FAM20C: variants seen among roughly 807,000 people sequenced by gnomAD.
The protein encoded by FAM20C is FAM20C golgi associated secretory pathway kinase.
In FAM20C, 40 loss-of-function variants were observed where a neutral mutation model predicts 51.5. The ratio of observed to expected loss-of-function variants is 0.78; its 90% CI spans 0.60 to 1.01. The LOEUF (loss-of-function observed/expected upper bound fraction) is 1.01. Ranked by LOEUF, FAM20C falls within the 50% of genes least tolerant of loss-of-function variation. The pLI is 0.00. For missense variants in FAM20C, 861 were observed against 844.7 expected (o/e 1.02, Z -0.24); for synonymous variants, 406 against 380.6 (o/e 1.07, Z -0.78).
chr7:244,899 A>G (rs746383863), intron 3 of FAM20C, among the ~76,000 whole-genome samples: 5 of 152,238 alleles, frequency 3.3e-5, no homozygotes, highest in Non-Finnish European at 7.3e-5. Context: ...TTAACCCCCC[A>G]TAAGAAACGT....
chr7:211,446 G>GC (rs1273596587), intron 3 of FAM20C, among the ~76,000 whole-genome samples: 1 of 137,680 alleles, frequency 7.3e-6, no homozygotes, highest in Admixed American at 7.3e-5. Flanking sequence ...AACCTCCCCA[G>GC]CCCCCCACCG....
intron 4 of FAM20C, among the ~76,000 whole-genome samples, chr7:247,589 C>G (rs193235018): frequency 3.9e-5 from 6 of 152,342 alleles, no homozygotes; most frequent in Admixed American, 3.3e-4. Context: ...TCAAAGTCTT[C>G]TGTGGTGACT....
At chr7:212,544 A>ATTAG (rs1180368669) in intron 3 of FAM20C, among the ~76,000 whole-genome samples, 1 of 152,124 alleles carries the variant, frequency 6.6e-6, no homozygotes, top group African/African-American at 2.4e-5. Context: ...AACGTCGTGA[A>ATTAG]TTAGAGAGCA....
intron 5 of FAM20C, among the ~76,000 whole-genome samples, chr7:253,645 G>A (rs1339714965): frequency 6.6e-6 from 1 of 152,220 alleles, no homozygotes; most frequent in Non-Finnish European, 1.5e-5. Context: ...CGGCGTTGCT[G>A]GGACCCCCGC....
intron 2 of FAM20C, chr7:197,287 A>C (rs943542331): frequency 2.4e-5 from 4 of 166,942 alleles, no homozygotes; most frequent in Admixed American, 6.5e-5. Context: ...AGGAACGAGC[A>C]CTTCAGAGCC....
At chr7:196,757 G>A (rs1381797881) in intron 2 of FAM20C, among the ~76,000 whole-genome samples, 3 of 152,152 alleles carry the variant, frequency 2.0e-5, no homozygotes, top group South Asian at 2.1e-4. Flanking sequence ...TGAGCTCTTC[G>A]GGGCTGTTTC....
intron 3 of FAM20C, among the ~76,000 whole-genome samples, chr7:214,929 G>A (rs981686839): frequency 4.6e-5 from 7 of 152,110 alleles, no homozygotes; most frequent in South Asian, 2.1e-4. Flanking sequence ...TCGGAGTGCC[G>A]GGCCTGGCCT....
intron 3 of FAM20C, among the ~76,000 whole-genome samples, chr7:212,649 G>A (rs562981098): frequency 3.0e-4 from 46 of 151,942 alleles, no homozygotes; most frequent in Non-Finnish European, 6.0e-4. Flanking sequence ...GCTGCACAGC[G>A]TGTGGGGGGC....
chr7:255,220 G>A (rs1469058084), intron 5 of FAM20C, among the ~76,000 whole-genome samples: 1 of 152,208 alleles, frequency 6.6e-6, no homozygotes, highest in Non-Finnish European at 1.5e-5. Flanking sequence ...GCGCACAGAG[G>A]TGGCGGTTCC....
chr7:231,463 G>T (rs1486756135), intron 3 of FAM20C, among the ~76,000 whole-genome samples: 1 of 151,328 alleles, frequency 6.6e-6, no homozygotes, highest in African/African-American at 2.4e-5. Flanking sequence ...GAGGGTCCCG[G>T]CGTGGAGGAC....
chr7:223,588 G>T (rs958461225), intron 3 of FAM20C, among the ~76,000 whole-genome samples: 1 of 152,186 alleles, frequency 6.6e-6, no homozygotes, highest in African/African-American at 2.4e-5. Context: ...GTCTGCAGCC[G>T]GCTCGTCTGT....
intron 3 of FAM20C, among the ~76,000 whole-genome samples, chr7:217,539 GGT>G (rs1334348784): frequency 4.0e-5 from 6 of 148,224 alleles, no homozygotes; most frequent in African/African-American, 1.5e-4. Context: ...CTTGAGGTTA[GGT>G]GTGTCCCTAG....
At chr7:240,880 C>T (rs1787927215) in intron 3 of FAM20C, among the ~76,000 whole-genome samples, 1 of 152,166 alleles carries the variant, frequency 6.6e-6, no homozygotes, top group Non-Finnish European at 1.5e-5. Flanking sequence ...GCAGGGGGCA[C>T]ATGTGAAGGC....
chr7:245,541 C>T (rs181497628), intron 3 of FAM20C, among the ~76,000 whole-genome samples: 1 of 151,988 alleles, frequency 6.6e-6, no homozygotes, highest in Non-Finnish European at 1.5e-5. Context: ...AGGCAGGGGC[C>T]GGCCTTGGTG....
At chr7:255,730 G>A in intron 5 of FAM20C, 119 bp from the exon 6 acceptor site, 1 of 1,076,512 alleles carries the variant, frequency 9.3e-7, no homozygotes, top group Non-Finnish European at 1.4e-6. Flanking sequence ...GGAACTGTGG[G>A]TGAGTCCTGC....
intron 9 of FAM20C, 104 bp from the exon 10 acceptor site, chr7:259,627 T>C (rs558174772): frequency 1.5e-6 from 2 of 1,375,308 alleles, no homozygotes; most frequent in East Asian, 2.5e-5. Flanking sequence ...TCTCTCTCTG[T>C]CTCTCCCCCC....
chr7:256,424 C>G (rs1464065222), intron 6 of FAM20C: 5 of 584,524 alleles, frequency 8.6e-6, no homozygotes, highest in Admixed American at 3.0e-5. Flanking sequence ...AAACACGGGG[C>G]CCAGAGGTGA....
Position 193,398 on chromosome 7 carries a change from C to T in FAM20C, c.199C>T (p.Pro67Ser), listed in dbSNP as rs1785671518. 1.0e-5 allele frequency: 14 copies of T among 1,396,836 alleles called. No homozygotes were observed. In the East Asian group the frequency reaches 3.3e-4, roughly 33 times the overall value. The allele number at this position is 1,396,836 out of a possible 1,614,324, so 86.5% of individuals were successfully genotyped here. Residue 67 changes from proline (P) to serine (S), a missense_variant, in exon 1 of 10, where the codon CCC becomes TCC. Coordinates refer to ENST00000313766, the MANE Select transcript of FAM20C (RefSeq NM_020223.4). ...APGWAQVRGRPGEPPAASSAA... is the reference protein window; with the variant it reads ...APGWAQVRGRSGEPPAASSAA... The stretch of plus-strand genomic sequence containing the variant: ...CGGCTGGGCCCAGGTTCGGGGCCGC[C>T]CCGGGGAGCCCCCGGCCGCCTCCTC...
At chr7:194,598 C>T (rs1422272397) in intron 1 of FAM20C, among the ~76,000 whole-genome samples, 2 of 152,188 alleles carry the variant, frequency 1.3e-5, no homozygotes, top group African/African-American at 2.4e-5. Context: ...AATGTCCAGG[C>T]CCAGTGTCTT....
Sources: gnomAD v4.1 joint callset for allele counts (sites outside exome capture counted in the v4.1 genomes callset) on GRCh38, gnomAD v4.1.1 for gene constraint, MANE v1.5 for transcripts, NCBI Gene and HGNC (gene_info 2026-07-23, HGNC 2026-07-21) for gene names.